RNASET2: variants seen among roughly 807,000 people sequenced by gnomAD.
The protein encoded by RNASET2 is ribonuclease T2, also known as ribonuclease 6.
RNASET2 carries 28 observed loss-of-function variants against 33.9 expected under a neutral mutation model. That is an observed-to-expected ratio of 0.83 (90% CI 0.61 to 1.13). The LOEUF (loss-of-function observed/expected upper bound fraction) is 1.13, where lower values mean the gene tolerates loss of function less well. Among genes scored for constraint, RNASET2 ranks in the 50% most tolerant of loss-of-function variants. RNASET2 has a pLI of 0.00. For synonymous variants in RNASET2, 123 were observed against 121.0 expected (o/e 1.02, Z -0.11); for missense variants, 330 against 319.9 (o/e 1.03, Z -0.24).
chr6:166,928,473 C>A lies in RNASET2; in HGVS notation c.*1115G>T, dbSNP rs1171353658. On this transcript the variant is annotated 3_prime_UTR_variant, in exon 9 of 9. Coordinates refer to ENST00000508775, the MANE Select transcript of RNASET2 (RefSeq NM_003730.6). Reference sequence around the variant, plus strand: ...TTTTTTTTTTTGTAAATTATGCTGACAATATGGTTATTCTAAGGATTAAAT... The same window carrying A: ...TTTTTTTTTTTGTAAATTATGCTGAAAATATGGTTATTCTAAGGATTAAAT... Among the ~76,000 whole-genome samples the A allele has an allele frequency of 1.4e-5, 2 of 143,222 alleles. No homozygotes were observed. Among genetic ancestry groups the A allele is most frequent in the African/African-American group, 5.2e-5 (2 of 38,100 alleles). The allele number at this position is 143,222 out of a possible 152,430, so 94.0% of individuals were successfully genotyped here. A position where few individuals can be genotyped will look rare whatever the true frequency, so the allele number is the denominator to read the frequency against.
chr6:166,952,723 C>T (rs1307855326), intron 1 of RNASET2, 175 bp from the exon 2 acceptor site: 2 of 630,868 alleles, frequency 3.2e-6, no homozygotes, highest in African/African-American at 1.8e-5. Context: ...CACCCCTACA[C>T]TAAGAAGGCA....
rs1778322549 is a variant in RNASET2 at position 166,927,354 on chromosome 6, T to C, written c.*2234A>G. 6.6e-6 allele frequency among the ~76,000 whole-genome samples: 1 copy of C among 152,094 alleles called. No homozygotes were observed. Among genetic ancestry groups the C allele is most frequent in the Non-Finnish European group, 1.5e-5 (1 of 68,002 alleles). On this transcript the variant is annotated 3_prime_UTR_variant, in exon 9 of 9. Coordinates refer to ENST00000508775, the MANE Select transcript of RNASET2 (RefSeq NM_003730.6). ...GCCAAGCATTTGCTTGTGCTCATGT[T>C]TTGAACCATCCAGCCCCTCACCAGT... is the stretch of plus-strand genomic sequence containing the variant.
At chr6:166,930,944 C>T (rs1235054875) in intron 8 of RNASET2, 100 bp downstream of exon 8, 5 of 856,428 alleles carry the variant, frequency 5.8e-6, no homozygotes, top group Middle Eastern at 2.2e-4. Flanking sequence ...TGCACAAATA[C>T]AAGTCTGCCC....
chr6:166,947,717 C>T (rs143880002), intron 3 of RNASET2, among the ~76,000 whole-genome samples: 34 of 152,316 alleles, frequency 2.2e-4, no homozygotes, highest in African/African-American at 7.7e-4. Context: ...CCACCAATCC[C>T]TCTTCCTAAG....
At position 166,955,278 on chromosome 6, in the gene RNASET2, CACGACACACACGCACAG is replaced by C. The variant is rs1779105665; in HGVS notation, c.86+802_86+818del. ...ACACGCACACACACACACGCGCACA[CACGACACACACGCACAG>C]ACGCGCACACACGACACACACGCAC... On this transcript the variant is annotated intron_variant, in intron 1 of 8. Coordinates refer to ENST00000508775, the MANE Select transcript of RNASET2 (RefSeq NM_003730.6). Among the ~76,000 whole-genome samples, 3 of 79,708 alleles carry C rather than the reference CACGACACACACGCACAG, an allele frequency of 3.8e-5. 1 individual carries two copies. Among genetic ancestry groups the C allele is most frequent in the African/African-American group, 2.1e-4 (3 of 14,128 alleles). 52.3% of individuals were successfully genotyped at this position (79,708 alleles called of 152,430 possible).
chr6:166,951,938 T>C (rs886851943), intron 2 of RNASET2, among the ~76,000 whole-genome samples: 2 of 152,096 alleles, frequency 1.3e-5, no homozygotes, highest in Non-Finnish European at 2.9e-5. Flanking sequence ...TAACCCCTCC[T>C]CCCATCTGTG....
In RNASET2 at chr6:166,928,915, G is replaced by A. The variant is rs1160325121; in HGVS notation, c.*673C>T. On this transcript the variant is annotated 3_prime_UTR_variant, in exon 9 of 9. Transcript: ENST00000508775. Reference sequence around the variant, plus strand: ...GACCTGGCTACCCTCTGATAAGAAGGAAGTGAGGCCTGACAGAAACTGACC... The same window carrying A: ...GACCTGGCTACCCTCTGATAAGAAGAAAGTGAGGCCTGACAGAAACTGACC... Among the ~76,000 whole-genome samples the A allele has an allele frequency of 1.3e-5, 2 of 152,232 alleles. No homozygotes were observed. The highest frequency in any genetic ancestry group is 2.9e-5 in the Non-Finnish European group (2 of 68,038).
rs1338282795 is a variant in RNASET2, at chr6:166,927,494, T to A, written c.*2094A>T. ...CCCATCCGCTCTCAAATGCTCACAC[T>A]CATATAATAAATACACGCTACTTAA... is the stretch of plus-strand genomic sequence containing the variant. On this transcript the variant is annotated 3_prime_UTR_variant, in exon 9 of 9. Coordinates refer to ENST00000508775, the MANE Select transcript of RNASET2 (RefSeq NM_003730.6). Among the ~76,000 whole-genome samples the A allele has an allele frequency of 2.0e-5, 3 of 151,814 alleles. No homozygotes were observed. In the East Asian group the frequency reaches 5.8e-4, roughly 29 times the overall value.
At chr6:166,941,362 T>C (rs1778687463) in intron 5 of RNASET2, among the ~76,000 whole-genome samples, 1 of 152,244 alleles carries the variant, frequency 6.6e-6, no homozygotes, top group African/African-American at 2.4e-5. Context: ...TGACAGACTC[T>C]ATCATGGAAC....
chr6:166,941,242 A>C (rs1778684253), intron 5 of RNASET2, among the ~76,000 whole-genome samples: 1 of 152,210 alleles, frequency 6.6e-6, no homozygotes, highest in South Asian at 2.1e-4. Context: ...ATCAGAGCCC[A>C]AAAATAAATG....
At chr6:166,934,009 C>A in intron 7 of RNASET2, 82 bp downstream of exon 7, 2 of 952,484 alleles carry the variant, frequency 2.1e-6, no homozygotes, top group Admixed American at 3.4e-5. Context: ...CAATTTACAG[C>A]CCATTGACTC....
rs1044673789 is a variant in RNASET2 at position 166,924,824 on chromosome 6, T to C, written c.*4764A>G. ...AAAATTAGCCGGGCATGGTGGCATA[T>C]GCCACCACTCTTGGAGTGGGCCCAA... is the stretch of plus-strand genomic sequence containing the variant. On this transcript the variant is annotated 3_prime_UTR_variant, in exon 9 of 9. Coordinates refer to ENST00000508775, the MANE Select transcript of RNASET2 (RefSeq NM_003730.6). 6.6e-6 allele frequency among the ~76,000 whole-genome samples: 1 copy of C among 152,174 alleles called. No homozygotes were observed. The highest frequency in any genetic ancestry group is 2.4e-5 in the African/African-American group (1 of 41,424).
At chr6:166,955,327 GCACGCACGCACACGCACACGCACGCA>G (rs1334934135) in intron 1 of RNASET2, among the ~76,000 whole-genome samples, 1 of 57,596 alleles carries the variant, frequency 1.7e-5, no homozygotes. Context: ...GCACACACAC[GCACGCACGCACACGCACACGCACGCA>G]CACACACACG....
intron 3 of RNASET2, 37 bp from the exon 4 acceptor site, chr6:166,946,776 T>C (rs1778857284): frequency 7.6e-7 from 1 of 1,319,644 alleles, no homozygotes; most frequent in African/African-American, 1.5e-5. Flanking sequence ...ATAAGAAATA[T>C]TAGGCTTGGT....
chr6:166,928,444 GTTT>G lies in RNASET2; in HGVS notation c.*1141_*1143del, dbSNP rs67709006. Among the ~76,000 whole-genome samples the G allele has an allele frequency of 6.2e-5, 9 of 144,736 alleles. No individual in the cohort carries two copies. The highest frequency in any genetic ancestry group is 9.0e-5 in the Non-Finnish European group (6 of 66,618). The allele number at this position is 144,736 out of a possible 152,430, so 95.0% of individuals were successfully genotyped here. On this transcript the variant is annotated 3_prime_UTR_variant, in exon 9 of 9. Transcript: ENST00000508775. ...AATATTCACAGGCATTGATACAGCT[GTTT>G]TTTTTTTTTTTGTAAATTATGCTGA... is the stretch of plus-strand genomic sequence containing the variant.
Position 166,925,246 on chromosome 6 carries a change from A to G in RNASET2, c.*4342T>C, listed in dbSNP as rs1778287514. Among the ~76,000 whole-genome samples, 1 of 142,914 alleles carries G rather than the reference A, an allele frequency of 7.0e-6. No individual in the cohort carries two copies. The highest frequency in any genetic ancestry group is 2.7e-5 in the African/African-American group (1 of 37,318). The allele number at this position is 142,914 out of a possible 152,430, so 93.8% of individuals were successfully genotyped here. A position where few individuals can be genotyped will look rare whatever the true frequency, so the allele number is the denominator to read the frequency against. ...CACCCTTGCTGTCCAGCCGACACCTACGATGCGCAGTCCATGTCTCCGCTG... is the reference window on the plus strand; with the variant it reads ...CACCCTTGCTGTCCAGCCGACACCTGCGATGCGCAGTCCATGTCTCCGCTG... On this transcript the variant is annotated 3_prime_UTR_variant, in exon 9 of 9. Coordinates refer to ENST00000508775, the MANE Select transcript of RNASET2 (RefSeq NM_003730.6).
chr6:166,934,536 C>G (rs955680884), intron 6 of RNASET2: 1 of 243,410 alleles, frequency 4.1e-6, no homozygotes, highest in Admixed American at 5.1e-5. Flanking sequence ...CACAGTCATG[C>G]GCCACATTAC....
rs1325967941 is a variant in RNASET2, at chr6:166,933,082, T to C, written c.492+1009A>G. ...AAAATAATTGTTCAACATCCAGCCA[T>C]CGCCCCAGAACTACTAAGATCAGTG... On this transcript the variant is annotated intron_variant, in intron 7 of 8. Transcript: ENST00000508775. This position sits in a 1 kb window ranked among gnomAD's most constrained non-coding sequence, Gnocchi z 4.1. 1 of 152,222 alleles carries C rather than the reference T, an allele frequency of 6.6e-6. No homozygotes were observed. The highest frequency in any genetic ancestry group is 1.9e-4 in the East Asian group (1 of 5,204). 9.4% of individuals were successfully genotyped at this position (152,222 alleles called of 1,614,324 possible). A position where few individuals can be genotyped will look rare whatever the true frequency, so the allele number is the denominator to read the frequency against.
In RNASET2 at chr6:166,929,522, T is replaced by C. The variant is rs575042140; in HGVS notation, c.*66A>G. On this transcript the variant is annotated 3_prime_UTR_variant, in exon 9 of 9. Transcript: ENST00000508775. The stretch of plus-strand genomic sequence containing the variant: ...AACAGACTTCACTTTGGAGTTGTTT[T>C]TTAGAAAGCTGCAGTTTGTGAATTT... The C allele has an allele frequency of 2.0e-6, 3 of 1,537,342 alleles. No homozygotes were observed. The East Asian group carries it at 6.7e-5, about 35-fold the overall frequency.
Sources: allele counts gnomAD v4.1 joint callset (sites outside exome capture counted in the v4.1 genomes callset), GRCh38; gene constraint gnomAD v4.1.1; non-coding constraint Gnocchi (gnomAD v3.1); transcripts MANE v1.5; gene names NCBI Gene and HGNC (gene_info 2026-07-23, HGNC 2026-07-21).